The following SCFD2 variants were observed in gnomAD, a reference collection of about 807,000 sequenced individuals.
SCFD2 encodes the protein sec1 family domain-containing protein 2.
A neutral mutation model predicts 58.9 loss-of-function variants in SCFD2; 54 were observed. The ratio of observed to expected loss-of-function variants is 0.92; its 90% CI spans 0.74 to 1.15. The LOEUF is 1.15. Among genes scored for constraint, SCFD2 ranks in the 50% most tolerant of loss-of-function variants. SCFD2 has a pLI of 0.00. For missense variants in SCFD2, 805 were observed against 836.6 expected (o/e 0.96, Z 0.47); for synonymous variants, 321 against 335.9 (o/e 0.96, Z 0.49).
At chr4:52,919,126 A>G (rs939007899) in intron 6 of SCFD2, among the ~76,000 whole-genome samples, 2 of 152,244 alleles carry the variant, frequency 1.3e-5, no homozygotes, top group African/African-American at 4.8e-5. Context: ...GATAAGGTCT[A>G]AGAAACTTAT....
intron 4 of SCFD2, among the ~76,000 whole-genome samples, chr4:53,165,268 G>A (rs1009226566): frequency 1.1e-4 from 17 of 152,290 alleles, no homozygotes; most frequent in African/African-American, 2.9e-4. Flanking sequence ...GTTTGTGTAC[G>A]TGTGCACGCA....
intron 5 of SCFD2, among the ~76,000 whole-genome samples, chr4:53,115,416 A>G (rs1725292536): frequency 6.6e-6 from 1 of 152,172 alleles, no homozygotes. Flanking sequence ...CCATCCTAGA[A>G]GCTTCCACAC....
intron 4 of SCFD2, among the ~76,000 whole-genome samples, chr4:53,227,088 T>G (rs1358670554): frequency 6.6e-6 from 1 of 152,198 alleles, no homozygotes; most frequent in Non-Finnish European, 1.5e-5. Context: ...GATGGAAAGA[T>G]GGCCAGTATG....
chr4:53,153,377 T>C (rs1204853374), intron 4 of SCFD2, among the ~76,000 whole-genome samples: 1 of 152,240 alleles, frequency 6.6e-6, no homozygotes, highest in African/African-American at 2.4e-5. Flanking sequence ...GGTTTATGGA[T>C]TGTGCCCTCC....
intron 7 of SCFD2, among the ~76,000 whole-genome samples, chr4:52,891,221 C>T (rs762752956): frequency 5.3e-5 from 8 of 151,966 alleles, no homozygotes; most frequent in Non-Finnish European, 8.8e-5. Context: ...ATTTATTGAC[C>T]AACTACTGTG....
chr4:53,080,437 T>C (rs1301179111), intron 5 of SCFD2, among the ~76,000 whole-genome samples: 2 of 152,196 alleles, frequency 1.3e-5, no homozygotes, highest in African/African-American at 2.4e-5. Context: ...AATTATGTCC[T>C]GTAGTATAAA....
intron 1 of SCFD2, among the ~76,000 whole-genome samples, chr4:53,354,539 G>A (rs1034343533): frequency 6.6e-6 from 1 of 152,214 alleles, no homozygotes; most frequent in Non-Finnish European, 1.5e-5. Context: ...GCAGCGGCAG[G>A]CTAAAGGGCT....
At chr4:53,220,285 C>G (rs1205805624) in intron 4 of SCFD2, among the ~76,000 whole-genome samples, 1 of 152,162 alleles carries the variant, frequency 6.6e-6, no homozygotes, top group East Asian at 1.9e-4. Flanking sequence ...AAAACCTGAT[C>G]AGTTTATAAG....
intron 4 of SCFD2, among the ~76,000 whole-genome samples, chr4:53,196,885 G>A (rs1345298862): frequency 1.3e-5 from 2 of 152,068 alleles, no homozygotes; most frequent in East Asian, 3.8e-4. Context: ...ATTTAAGACT[G>A]GATGAACTGC....
intron 4 of SCFD2, among the ~76,000 whole-genome samples, chr4:53,228,616 T>C (rs1028589498): frequency 1.3e-5 from 2 of 152,174 alleles, no homozygotes; most frequent in South Asian, 2.1e-4. Flanking sequence ...TAATGGGACG[T>C]ATCTCAAAAT....
intron 2 of SCFD2, among the ~76,000 whole-genome samples, chr4:53,330,086 G>A (rs1354038123): frequency 6.6e-6 from 1 of 152,018 alleles, no homozygotes; most frequent in Non-Finnish European, 1.5e-5. Context: ...CAAGAAATAT[G>A]GGACTATGTG....
chr4:53,311,784 C>T (rs758258549), intron 3 of SCFD2, among the ~76,000 whole-genome samples: 6 of 151,846 alleles, frequency 4.0e-5, no homozygotes, highest in South Asian at 2.1e-4. Context: ...TACAGGTGCG[C>T]GCCACCACAC....
rs1734698171 is a variant in SCFD2 at position 53,366,035 on chromosome 4, T to G, written c.-94A>C. On this transcript the variant is annotated 5_prime_UTR_variant, in exon 1 of 9. Coordinates refer to ENST00000401642, the MANE Select transcript of SCFD2 (RefSeq NM_152540.4). ...ATTGGGCTCCGGGAGACTTTGACAG[T>G]CTCCACAGTACACGTGGTCGGCCTC... 1.8e-5 allele frequency: 25 copies of G among 1,419,548 alleles called. No individual in the cohort carries two copies. The highest frequency in any genetic ancestry group is 1.8e-5 in the Non-Finnish European group (19 of 1,061,612). 87.9% of individuals were successfully genotyped at this position (1,419,548 alleles called of 1,614,324 possible). A position where few individuals can be genotyped will look rare whatever the true frequency, so the allele number is the denominator to read the frequency against.
chr4:53,365,469 A>T lies in SCFD2; in HGVS notation c.473T>A (p.Leu158Ter). Reference protein sequence around the residue: ...NYTAEVFHVPLLLAPVAPHFA... With the variant: ...NYTAEVFHVP The stretch of plus-strand genomic sequence containing the variant: ...GTGGGGAGCAACAGGGGCAAGCAAT[A>T]ACGGGACATGGAACACCTCGGCCGT... Residue 158 changes from leucine to a stop codon, truncating the protein, a stop_gained, in exon 1 of 9, where the codon TTA (leucine) becomes TAA (stop). Coordinates refer to ENST00000401642, the MANE Select transcript of SCFD2 (RefSeq NM_152540.4). LOFTEE classifies it high-confidence loss of function. The surrounding 1 kb of genome is among the most constrained non-coding windows in gnomAD (Gnocchi z 4.3). The T allele has an allele frequency of 6.2e-7, 1 of 1,614,170 alleles. No individual in the cohort carries two copies. Among genetic ancestry groups the T allele is most frequent in the Non-Finnish European group, 8.5e-7 (1 of 1,180,044 alleles).
At chr4:53,102,295 T>C (rs1724852998) in intron 5 of SCFD2, among the ~76,000 whole-genome samples, 1 of 152,172 alleles carries the variant, frequency 6.6e-6, no homozygotes, top group Admixed American at 6.6e-5. Flanking sequence ...AGTAAAAGTA[T>C]ACAAGTAATT....
At chr4:53,344,547 G>A (rs1733994891) in intron 2 of SCFD2, among the ~76,000 whole-genome samples, 1 of 152,116 alleles carries the variant, frequency 6.6e-6, no homozygotes, top group Non-Finnish European at 1.5e-5. Context: ...TAGATTCAAT[G>A]CCATCCCCAT....
chr4:53,215,198 T>C (rs1728776882), intron 4 of SCFD2, among the ~76,000 whole-genome samples: 2 of 152,086 alleles, frequency 1.3e-5, no homozygotes, highest in Non-Finnish European at 2.9e-5. Context: ...AGAAAGTCAT[T>C]GGTAGCTTGA....
chr4:52,932,976 G>A (rs1279500775), intron 5 of SCFD2, among the ~76,000 whole-genome samples: 1 of 152,216 alleles, frequency 6.6e-6, no homozygotes, highest in African/African-American at 2.4e-5. Context: ...AGAGAGGGTT[G>A]CCAGTGGGCC....
At chr4:52,911,469 A>G (rs1359363860) in intron 6 of SCFD2, among the ~76,000 whole-genome samples, 2 of 152,106 alleles carry the variant, frequency 1.3e-5, no homozygotes, top group Non-Finnish European at 1.5e-5. Context: ...AGACTTTGTG[A>G]TTGTTCTGTG....
Sources: gnomAD v4.1 joint callset for allele counts (sites outside exome capture counted in the v4.1 genomes callset) on GRCh38, gnomAD v4.1.1 for gene constraint, Gnocchi (gnomAD v3.1) non-coding constraint, MANE v1.5 for transcripts, NCBI Gene and HGNC (gene_info 2026-07-23, HGNC 2026-07-21) for gene names.